The following DIP2C variants were observed in gnomAD, a reference collection of about 807,000 sequenced individuals.
DIP2C encodes DIP2 acetate--CoA ligase C (putative), also known as disco-interacting protein 2 homolog C.
In DIP2C, 33 loss-of-function variants were observed where a neutral mutation model predicts 192.4. The observed-to-expected ratio is 0.17, with a 90% CI of 0.13 to 0.23. The LOEUF is 0.23. Ranked by LOEUF, DIP2C falls within the 10% of genes least tolerant of loss-of-function variation. The probability of loss-of-function intolerance (pLI) is 1.00; values close to 1 mark genes in which losing one functional copy is unlikely to be tolerated. For synonymous variants in DIP2C, 979 were observed against 864.1 expected (o/e 1.13, Z -2.33); for missense variants, 1,537 against 2,110.1 (o/e 0.73, Z 5.32).
intron 1 of DIP2C, among the ~76,000 whole-genome samples, chr10:558,185 G>A (rs1345910744): frequency 6.6e-6 from 1 of 152,098 alleles, no homozygotes; most frequent in Non-Finnish European, 1.5e-5. Flanking sequence ...ATAAAGACTA[G>A]ACAGCATCTG....
intron 10 of DIP2C, among the ~76,000 whole-genome samples, chr10:392,554 G>A (rs942617049): frequency 2.6e-5 from 4 of 152,202 alleles, no homozygotes; most frequent in East Asian, 1.9e-4. Context: ...TCCTCCGCAC[G>A]TGTAGAGTGC....
chr10:672,239 A>C (rs1830687963), intron 1 of DIP2C, among the ~76,000 whole-genome samples: 1 of 151,876 alleles, frequency 6.6e-6, no homozygotes, highest in Non-Finnish European at 1.5e-5. Context: ...AACACCACAG[A>C]TGCACGGATG....
chr10:421,301 C>T (rs112133159), intron 5 of DIP2C, among the ~76,000 whole-genome samples: 36 of 152,296 alleles, frequency 2.4e-4, no homozygotes, highest in African/African-American at 7.7e-4. Flanking sequence ...AGGGTAAACC[C>T]GCAAAGGGAG....
At chr10:365,922 C>T (rs1052707834) in intron 19 of DIP2C, among the ~76,000 whole-genome samples, 6 of 152,346 alleles carry the variant, frequency 3.9e-5, no homozygotes, top group African/African-American at 1.2e-4. Flanking sequence ...GTAGCCCAGG[C>T]CAAGGGGCTG....
chr10:368,686 T>G (rs925816938), intron 18 of DIP2C, among the ~76,000 whole-genome samples: 1 of 152,212 alleles, frequency 6.6e-6, no homozygotes, highest in Non-Finnish European at 1.5e-5. Flanking sequence ...GAGGCCCACC[T>G]GACCTGGCGC....
chr10:413,270 C>A (rs1965302164), intron 8 of DIP2C, among the ~76,000 whole-genome samples: 1 of 152,222 alleles, frequency 6.6e-6, no homozygotes, highest in Non-Finnish European at 1.5e-5. Context: ...AAAAAGCTTA[C>A]AGACTGTATT....
At chr10:644,890 G>A (rs866903780) in intron 1 of DIP2C, among the ~76,000 whole-genome samples, 5 of 152,232 alleles carry the variant, frequency 3.3e-5, no homozygotes, top group African/African-American at 1.2e-4. Context: ...AACAAAAGTC[G>A]CATGGGAAAG....
In DIP2C at chr10:592,483, AAAT is replaced by A. The variant is rs1245883070; in HGVS notation, c.85+97008_85+97010del. Among the ~76,000 whole-genome samples, 14 of 152,306 alleles carry A rather than the reference AAAT, an allele frequency of 9.2e-5. No homozygotes were observed. In the East Asian group the frequency reaches 1.7e-3, roughly 19 times the overall value. On this transcript the variant is annotated intron_variant, in intron 1 of 36. Coordinates refer to ENST00000280886, the MANE Select transcript of DIP2C (RefSeq NM_014974.3). Reference sequence around the variant, plus strand: ...ACCATGGAATATTCCTCAGCAGTGAAAATAAACTATAGCCACAGGTACCAACTA... The same window carrying A: ...ACCATGGAATATTCCTCAGCAGTGAAAAACTATAGCCACAGGTACCAACTA...
chr10:536,852 T>C (rs1847723051), intron 1 of DIP2C, among the ~76,000 whole-genome samples: 1 of 152,250 alleles, frequency 6.6e-6, no homozygotes, highest in African/African-American at 2.4e-5. Context: ...AACCATCTTC[T>C]TGACCCCCCA....
chr10:603,760 A>T (rs2131715244), intron 1 of DIP2C, among the ~76,000 whole-genome samples: 1 of 152,296 alleles, frequency 6.6e-6, no homozygotes, highest in South Asian at 2.1e-4. Flanking sequence ...AAATTACCAC[A>T]CACGCAGACC....
chr10:633,448 C>G (rs1854649346), intron 1 of DIP2C, among the ~76,000 whole-genome samples: 1 of 152,184 alleles, frequency 6.6e-6, no homozygotes, highest in African/African-American at 2.4e-5. Context: ...GCGGGGAGTC[C>G]GAGGTGGTGC....
intron 1 of DIP2C, among the ~76,000 whole-genome samples, chr10:678,724 ACCCGTGC>A (rs1830975282): frequency 1.9e-4 from 2 of 10,430 alleles, no homozygotes; most frequent in Non-Finnish European, 9.7e-4. Context: ...TGCTCCCCAC[ACCCGTGC>A]TCCCCGCGCC....
chr10:463,617 T>C (rs1393189328), intron 3 of DIP2C, among the ~76,000 whole-genome samples: 1 of 152,202 alleles, frequency 6.6e-6, no homozygotes, highest in East Asian at 1.9e-4. Context: ...CCATTGACTT[T>C]CTTCACAGAA....
intron 31 of DIP2C, among the ~76,000 whole-genome samples, chr10:325,803 G>A (rs560774083): frequency 6.6e-6 from 1 of 152,132 alleles, no homozygotes; most frequent in East Asian, 1.9e-4. Context: ...AGAGAAATTT[G>A]GTAATTTATA....
rs1359096304 is a variant in DIP2C, at chr10:613,745, T to C, written c.85+75749A>G. Among the ~76,000 whole-genome samples the C allele has an allele frequency of 2.0e-5, 3 of 152,146 alleles. No individual in the cohort carries two copies. In the South Asian group the frequency reaches 6.2e-4, roughly 32 times the overall value. On this transcript the variant is annotated intron_variant, in intron 1 of 36. Transcript: ENST00000280886. ...GATCCTCTCCACACCCTGGTAAACA[T>C]GGCATTTCGCACACCTGCTTTGGTC...
At chr10:427,554 ACAAC>A (rs1314927313) in intron 4 of DIP2C, among the ~76,000 whole-genome samples, 1 of 149,842 alleles carries the variant, frequency 6.7e-6, no homozygotes, top group Non-Finnish European at 1.5e-5. Context: ...CCATAAGATG[ACAAC>A]CAACCCATTT....
intron 1 of DIP2C, chr10:650,690 G>C: frequency 2.4e-5 from 15 of 619,740 alleles, no homozygotes; most frequent in Non-Finnish European, 4.1e-5. Context: ...CCCAGCCTTA[G>C]AGCCCAGATG....
intron 1 of DIP2C, among the ~76,000 whole-genome samples, chr10:672,260 G>A (rs1013334054): frequency 6.6e-6 from 1 of 151,960 alleles, no homozygotes. Context: ...GAGGAAACGC[G>A]CCACAGAGGC....
At chr10:365,850 C>A (rs1469054287) in intron 19 of DIP2C, among the ~76,000 whole-genome samples, 2 of 152,202 alleles carry the variant, frequency 1.3e-5, no homozygotes. Flanking sequence ...CTAGCCCAGG[C>A]CGAGGAGCCG....
Sources: gnomAD v4.1 joint callset for allele counts (sites outside exome capture counted in the v4.1 genomes callset) on GRCh38, gnomAD v4.1.1 for gene constraint, MANE v1.5 for transcripts, NCBI Gene and HGNC (gene_info 2026-07-23, HGNC 2026-07-21) for gene names.